PLCB1: variants seen among roughly 807,000 people sequenced by gnomAD.
PLCB1 encodes phospholipase C beta 1, also known as 1-phosphatidylinositol 4,5-bisphosphate phosphodiesterase beta-1.
PLCB1 carries 46 observed loss-of-function variants against 161.8 expected under a neutral mutation model. The observed-to-expected ratio is 0.28, with a 90% CI of 0.22 to 0.36. The LOEUF (loss-of-function observed/expected upper bound fraction) is 0.36, where lower values mean the gene tolerates loss of function less well. Among genes scored for constraint, PLCB1 ranks in the 10% least tolerant of loss-of-function variants. PLCB1 has a pLI of 1.00. For synonymous variants in PLCB1, 517 were observed against 503.7 expected (o/e 1.03, Z -0.35); for missense variants, 1,016 against 1,472.5 (o/e 0.69, Z 5.07).
intron 31 of PLCB1, among the ~76,000 whole-genome samples, chr20:8,857,280 G>GAATGA (rs1987100334): frequency 6.6e-6 from 1 of 151,914 alleles, no homozygotes; most frequent in Non-Finnish European, 1.5e-5. Context: ...AAGAATGGTG[G>GAATGA]GTTTTTGAAA....
chr20:8,878,351 C>T (rs1289412056), intron 31 of PLCB1, among the ~76,000 whole-genome samples: 10 of 152,274 alleles, frequency 6.6e-5, no homozygotes, highest in South Asian at 2.1e-4. Flanking sequence ...AGTAAATGGA[C>T]GCTGTCAAAC....
intron 27 of PLCB1, among the ~76,000 whole-genome samples, chr20:8,787,296 A>C (rs1983535244): frequency 6.6e-6 from 1 of 152,086 alleles, no homozygotes; most frequent in Non-Finnish European, 1.5e-5. Context: ...CCCTGCTGCA[A>C]ATGGGGTGGA....
chr20:8,625,573 A>T (rs1988312727), intron 3 of PLCB1, among the ~76,000 whole-genome samples: 1 of 152,222 alleles, frequency 6.6e-6, no homozygotes, highest in South Asian at 2.1e-4. Flanking sequence ...CCGAAAAAGG[A>T]CGTTAGTAAG....
intron 2 of PLCB1, among the ~76,000 whole-genome samples, chr20:8,354,677 G>GGGAAATCAGATGTTATATTAATGGACT (rs1230076047): frequency 6.6e-6 from 1 of 152,096 alleles, no homozygotes; most frequent in East Asian, 1.9e-4. Context: ...AGGAGAGTTG[G>GGGAAATCAGATGTTATATTAATGGACT]GGAAATCAGA....
intron 31 of PLCB1, among the ~76,000 whole-genome samples, chr20:8,807,150 G>A (rs1600343953): frequency 6.6e-6 from 1 of 152,142 alleles, no homozygotes; most frequent in African/African-American, 2.4e-5. Flanking sequence ...TGAAGGATGC[G>A]ATTAATTAAA....
intron 3 of PLCB1, among the ~76,000 whole-genome samples, chr20:8,621,973 A>G (rs897852367): frequency 6.6e-6 from 1 of 152,214 alleles, no homozygotes; most frequent in Non-Finnish European, 1.5e-5. Context: ...ACTTGTTGTT[A>G]TATGTATCAT....
intron 18 of PLCB1, among the ~76,000 whole-genome samples, chr20:8,732,709 TATCATTCTA>T (rs1980323747): frequency 6.9e-6 from 1 of 145,648 alleles, no homozygotes; most frequent in Non-Finnish European, 1.5e-5. Flanking sequence ...ATATTTAATA[TATCATTCTA>T]ATATATCTAA....
chr20:8,694,945 A>G (rs1990554152), intron 10 of PLCB1, among the ~76,000 whole-genome samples: 1 of 152,162 alleles, frequency 6.6e-6, no homozygotes, highest in Non-Finnish European at 1.5e-5. Context: ...TAACATATAA[A>G]TGTTTGTCTT....
At chr20:8,179,998 A>G (rs146616860) in intron 2 of PLCB1, among the ~76,000 whole-genome samples, 2,998 of 150,292 alleles carry the variant, frequency 0.02, 79 homozygotes, top group African/African-American at 0.067. Flanking sequence ...AGCTGGGACT[A>G]CAGGTGCCCG....
chr20:8,240,660 C>G (rs2123203436), intron 2 of PLCB1, among the ~76,000 whole-genome samples: 1 of 152,022 alleles, frequency 6.6e-6, no homozygotes, highest in East Asian at 1.9e-4. Context: ...ACTTATCCTT[C>G]AAGATGATAG....
intron 3 of PLCB1, among the ~76,000 whole-genome samples, chr20:8,433,997 C>A (rs1375722895): frequency 6.6e-6 from 1 of 152,136 alleles, no homozygotes; most frequent in African/African-American, 2.4e-5. Flanking sequence ...CAGAAAACTA[C>A]AAGATGATTT....
intron 3 of PLCB1, among the ~76,000 whole-genome samples, chr20:8,502,122 A>T (rs1282497933): frequency 6.6e-6 from 1 of 151,954 alleles, no homozygotes; most frequent in Non-Finnish European, 1.5e-5. Context: ...AATGTATATA[A>T]TGACTATTGC....
Position 8,517,491 on chromosome 20 carries a change from C to T in PLCB1, c.247-110803C>T, listed in dbSNP as rs1252143143. On this transcript the variant is annotated intron_variant, in intron 3 of 31. Transcript: ENST00000338037. ...GGTGGTGAGCTAAATATGATAACCT[C>T]ATAGCCCAGTGGCAGTGGGCTGGGC... Among the ~76,000 whole-genome samples the T allele has an allele frequency of 2.0e-5, 3 of 152,158 alleles. No homozygotes were observed. In the South Asian group the frequency reaches 6.2e-4, roughly 32 times the overall value.
chr20:8,818,011 T>C (rs1985158858), intron 31 of PLCB1, among the ~76,000 whole-genome samples: 1 of 152,112 alleles, frequency 6.6e-6, no homozygotes, highest in Non-Finnish European at 1.5e-5. Context: ...TTAGCAAGAA[T>C]ACAGCAAAGT....
At chr20:8,647,812 C>T in intron 5 of PLCB1, 88 bp from the exon 6 acceptor site, 5 of 978,198 alleles carry the variant, frequency 5.1e-6, no homozygotes, top group Non-Finnish European at 4.9e-6. Flanking sequence ...TGTACAAAGG[C>T]ATGGGCTTTT....
intron 2 of PLCB1, among the ~76,000 whole-genome samples, chr20:8,230,054 A>G (rs1269472309): frequency 1.4e-5 from 1 of 72,044 alleles, no homozygotes; most frequent in Non-Finnish European, 2.5e-5. Context: ...GCGACTTGGC[A>G]GCAAAAAAAA....
chr20:8,376,629 TA>T (rs764765333), intron 3 of PLCB1, among the ~76,000 whole-genome samples: 1 of 152,088 alleles, frequency 6.6e-6, no homozygotes, highest in African/African-American at 2.4e-5. Context: ...AACTGGGTCT[TA>T]AAAAAGAAAA....
At chr20:8,757,275 A>C in intron 24 of PLCB1, 97 bp downstream of exon 24, 1 of 1,285,530 alleles carries the variant, frequency 7.8e-7, no homozygotes, top group Non-Finnish European at 1.1e-6. Flanking sequence ...CTAAAGCATC[A>C]AGTGGGGAAA....
intron 2 of PLCB1, among the ~76,000 whole-genome samples, chr20:8,273,289 C>T (rs1393441005): frequency 6.6e-6 from 1 of 152,150 alleles, no homozygotes; most frequent in East Asian, 1.9e-4. Flanking sequence ...CTTGGCTTTT[C>T]ATTTCATTAA....
Sources: allele counts gnomAD v4.1 joint callset (sites outside exome capture counted in the v4.1 genomes callset), GRCh38; gene constraint gnomAD v4.1.1; transcripts MANE v1.5; gene names NCBI Gene and HGNC (gene_info 2026-07-23, HGNC 2026-07-21).